Variants in CNTNAP4 observed in about 807,000 individuals in gnomAD.
The protein encoded by CNTNAP4 is contactin associated protein family member 4.
CNTNAP4 carries 98 observed loss-of-function variants against 148.4 expected under a neutral mutation model. That is an observed-to-expected ratio of 0.66 (90% confidence interval 0.56 to 0.78). CNTNAP4 has a LOEUF of 0.78. Ranked by LOEUF, CNTNAP4 falls within the 30% of genes least tolerant of loss-of-function variation. The probability of loss-of-function intolerance (pLI) is 0.00; values close to 1 mark genes in which losing one functional copy is unlikely to be tolerated. For missense variants in CNTNAP4, 1,935 were observed against 1,565.6 expected (o/e 1.24, Z -3.98); for synonymous variants, 730 against 565.1 (o/e 1.29, Z -4.14).
chr16:76,553,456 C>A lies in CNTNAP4; in HGVS notation c.3616C>A (p.Pro1206Thr), dbSNP rs1468527345. ...HVTESSCMAQ[P>T]GTDATSRERT... The stretch of plus-strand genomic sequence containing the variant: ...GACTGAGTCCAGCTGTATGGCCCAG[C>A]CTGGCACTGATGCCACATCAAGGGA... The change falls in exon 22 of 24, where the codon CCT becomes ACT. Residue 1206 changes from proline (P) to threonine (T), a missense_variant. Coordinates refer to ENST00000611870, the MANE Select transcript of CNTNAP4 (RefSeq NM_033401.5). 1.2e-5 allele frequency: 19 copies of A among 1,612,474 alleles called. 1 individual carries two copies. The highest frequency in any genetic ancestry group is 1.6e-5 in the Non-Finnish European group (19 of 1,179,294).
intron 2 of CNTNAP4, among the ~76,000 whole-genome samples, chr16:76,329,570 C>G (rs750779472): frequency 6.6e-6 from 1 of 152,052 alleles, no homozygotes; most frequent in Non-Finnish European, 1.5e-5. Flanking sequence ...TCTTTCGATT[C>G]TCAAATAAGA....
Position 76,384,110 on chromosome 16 carries a change from C to G in CNTNAP4, c.390+28599C>G, listed in dbSNP as rs972614012. Among the ~76,000 whole-genome samples the G allele has an allele frequency of 2.0e-5, 3 of 152,102 alleles. 1 individual carries two copies. Among genetic ancestry groups the G allele is most frequent in the Non-Finnish European group, 4.4e-5 (3 of 68,000 alleles). ...CCAGGCTGGAGTGCAGTGGCACTAT[C>G]TTGGCTCGCTGCAACCTCCGCCTCC... On this transcript the variant is annotated intron_variant, in intron 3 of 23. Transcript: ENST00000611870.
chr16:76,294,884 G>A (rs778251591), intron 1 of CNTNAP4, among the ~76,000 whole-genome samples: 1 of 152,120 alleles, frequency 6.6e-6, no homozygotes, highest in African/African-American at 2.4e-5. Flanking sequence ...CAGAAGTTTC[G>A]ACTCTCAGAT....
At chr16:76,326,400 G>T (rs1230084530) in intron 2 of CNTNAP4, among the ~76,000 whole-genome samples, 1 of 152,170 alleles carries the variant, frequency 6.6e-6, no homozygotes, top group Non-Finnish European at 1.5e-5. Context: ...TGTGTGTCCT[G>T]AGCATCTTGC....
At chr16:76,322,451 T>G (rs891364605) in intron 2 of CNTNAP4, among the ~76,000 whole-genome samples, 2 of 152,252 alleles carry the variant, frequency 1.3e-5, no homozygotes, top group Non-Finnish European at 2.9e-5. Context: ...CATAAAAGTT[T>G]AGTTGAAGAG....
chr16:76,431,322 G>T (rs184952676), intron 4 of CNTNAP4, among the ~76,000 whole-genome samples: 3 of 152,228 alleles, frequency 2.0e-5, no homozygotes, highest in African/African-American at 7.2e-5. Flanking sequence ...CTCATTAGAA[G>T]GCTTTCACTC....
intron 1 of CNTNAP4, among the ~76,000 whole-genome samples, chr16:76,279,405 G>A (rs547002603): frequency 1.3e-5 from 2 of 152,280 alleles, no homozygotes; most frequent in East Asian, 1.9e-4. Context: ...AAAAAGTGTA[G>A]GGTGTACATC....
rs534150156 is a variant in CNTNAP4, at chr16:76,466,099, A to T, written c.1484-1253A>T. 7.9e-5 allele frequency among the ~76,000 whole-genome samples: 12 copies of T among 152,314 alleles called. No individual in the cohort carries two copies. In the South Asian group the frequency reaches 2.3e-3, roughly 29 times the overall value. ...TGGCAAATAAAGATTAATTAAAAAAATAATAACCACCCATCTAGTCTCCGT... is the reference window on the plus strand; with the variant it reads ...TGGCAAATAAAGATTAATTAAAAAATTAATAACCACCCATCTAGTCTCCGT... On this transcript the variant is annotated intron_variant, in intron 9 of 23. Transcript: ENST00000611870.
chr16:76,537,111 G>T (rs2084245237), intron 18 of CNTNAP4, among the ~76,000 whole-genome samples: 1 of 152,124 alleles, frequency 6.6e-6, no homozygotes, highest in African/African-American at 2.4e-5. Context: ...TGTTTAAAGT[G>T]ATCATTAAGA....
chr16:76,429,166 C>G (rs1428220410), intron 4 of CNTNAP4, among the ~76,000 whole-genome samples: 1 of 152,134 alleles, frequency 6.6e-6, no homozygotes, highest in African/African-American at 2.4e-5. Context: ...CCTCACGTCA[C>G]AATTAGTATA....
chr16:76,498,827 TC>T, intron 15 of CNTNAP4, 133 bp downstream of exon 15: 1 of 868,166 alleles, frequency 1.2e-6, no homozygotes, highest in Non-Finnish European at 1.6e-6. Context: ...TTTGTTTGTT[TC>T]CACATACATG....
chr16:76,310,759 G>T (rs1961011203), intron 1 of CNTNAP4, among the ~76,000 whole-genome samples: 1 of 151,980 alleles, frequency 6.6e-6, no homozygotes, highest in South Asian at 2.1e-4. Flanking sequence ...TGACTACTCA[G>T]TGGCAACTAA....
chr16:76,382,051 A>G (rs1337543645), intron 3 of CNTNAP4, among the ~76,000 whole-genome samples: 2 of 119,360 alleles, frequency 1.7e-5, no homozygotes, highest in Non-Finnish European at 3.3e-5. Context: ...ACAGAGCGAG[A>G]CTCCGTCTCA....
chr16:76,487,932 C>T (rs1283070448), intron 12 of CNTNAP4, among the ~76,000 whole-genome samples: 1 of 152,130 alleles, frequency 6.6e-6, no homozygotes, highest in East Asian at 1.9e-4. Context: ...TCAGTGTGAT[C>T]CAGAAGGGAA....
At chr16:76,410,831 A>G (rs973762080) in intron 3 of CNTNAP4, among the ~76,000 whole-genome samples, 3 of 151,682 alleles carry the variant, frequency 2.0e-5, no homozygotes, top group African/African-American at 7.2e-5. Flanking sequence ...AATACTGTAG[A>G]GATAATTAAT....
chr16:76,396,428 G>T lies in CNTNAP4; in HGVS notation c.391-31024G>T, dbSNP rs371900064. On this transcript the variant is annotated intron_variant, in intron 3 of 23. Transcript: ENST00000611870. The stretch of plus-strand genomic sequence containing the variant: ...TTTATCAAGGAGGTAGGAAGAATGG[G>T]GCAAAACTAAAGCTGTAAGTGGTGA... Among the ~76,000 whole-genome samples, 10 of 152,224 alleles carry T rather than the reference G, an allele frequency of 6.6e-5. 1 individual carries two copies. Among genetic ancestry groups the T allele is most frequent in the African/African-American group, 2.4e-4 (10 of 41,538 alleles).
intron 17 of CNTNAP4, among the ~76,000 whole-genome samples, chr16:76,522,550 C>T (rs888244024): frequency 6.6e-6 from 1 of 151,380 alleles, no homozygotes; most frequent in African/African-American, 2.4e-5. Flanking sequence ...TTCCTATTTG[C>T]CTGCCTGCCT....
At chr16:76,452,049 T>C (rs1568227333) in intron 7 of CNTNAP4, among the ~76,000 whole-genome samples, 1 of 150,640 alleles carries the variant, frequency 6.6e-6, no homozygotes, top group South Asian at 2.1e-4. Flanking sequence ...AAGCTGCAGC[T>C]GGTAAAAATG....
At chr16:76,397,941 TATACATATATATATA>T (rs1567998686) in intron 3 of CNTNAP4, among the ~76,000 whole-genome samples, 13 of 1,928 alleles carry the variant, frequency 6.7e-3, no homozygotes, top group Non-Finnish European at 0.011. Context: ...TAATAGATTA[TATACATATATATATA>T]TATATATATA....
Sources: gnomAD v4.1 joint callset for allele counts (sites outside exome capture counted in the v4.1 genomes callset) on GRCh38, gnomAD v4.1.1 for gene constraint, MANE v1.5 for transcripts, NCBI Gene and HGNC (gene_info 2026-07-23, HGNC 2026-07-21) for gene names.